Variants in ZNF90 observed in about 807,000 individuals in gnomAD.
The protein encoded by ZNF90 is zinc finger protein HTF9.
Under a neutral mutation model 12.0 loss-of-function variants are expected in ZNF90, and 11 were observed. The ratio of observed to expected loss-of-function variants is 0.92; its 90% CI spans 0.58 to 1.52. The LOEUF is 1.52. Ranked by LOEUF, ZNF90 falls within the 40% of genes most tolerant of loss-of-function variation. ZNF90 has a pLI of 0.00. For missense variants in ZNF90, 765 were observed against 711.5 expected (o/e 1.08, Z -0.86); for synonymous variants, 232 against 240.1 (o/e 0.97, Z 0.31).
chr19:20,118,921 A>G lies in ZNF90; in HGVS notation c.1367A>G (p.Glu456Gly), dbSNP rs183902346. The G allele has an allele frequency of 1.9e-4, 309 of 1,613,532 alleles. No homozygotes were observed. In the African/African-American group the frequency reaches 3.8e-3, roughly 20 times the overall value. The change falls in exon 4 of 4, where the codon GAA becomes GGA. Residue 456 changes from glutamate to glycine, a missense_variant. By Grantham distance (98) the Glu-to-Gly change is moderately conservative. Coordinates refer to ENST00000418063, the MANE Select transcript of ZNF90 (RefSeq NM_007138.2). ...AGTGGAGAGAAACCCTACAAATGTG[A>G]AGAATGTGGCAAAGCCTTCAAGCGC... ...IHSGEKPYKC[E>G]ECGKAFKRSS...
chr19:20,105,977 ATATT>A (rs1458302178), intron 3 of ZNF90, among the ~76,000 whole-genome samples: 1 of 150,154 alleles, frequency 6.7e-6, no homozygotes, highest in Non-Finnish European at 1.5e-5. Flanking sequence ...CACTTGAATA[ATATT>A]TATTCTTTCA....
chr19:20,092,370 G>T (rs2088909455), intron 1 of ZNF90, among the ~76,000 whole-genome samples: 1 of 152,192 alleles, frequency 6.6e-6, no homozygotes, highest in Non-Finnish European at 1.5e-5. Flanking sequence ...AGGTCAAGTT[G>T]TTTGGACAAA....
chr19:20,095,837 A>C (rs2088940625), intron 1 of ZNF90, among the ~76,000 whole-genome samples: 1 of 152,030 alleles, frequency 6.6e-6, no homozygotes, highest in South Asian at 2.1e-4. Context: ...CAAGGAGAGA[A>C]GGGGTTGAGG....
intron 1 of ZNF90, among the ~76,000 whole-genome samples, chr19:20,101,078 T>C (rs562675028): frequency 6.6e-6 from 1 of 152,068 alleles, no homozygotes; most frequent in Admixed American, 6.5e-5. Flanking sequence ...TCACTTGCCG[T>C]CGACCACTGC....
intron 1 of ZNF90, among the ~76,000 whole-genome samples, chr19:20,098,047 T>C (rs1336359086): frequency 6.6e-6 from 1 of 152,224 alleles, no homozygotes; most frequent in African/African-American, 2.4e-5. Flanking sequence ...TGCTCCCAGG[T>C]TATAATCCAT....
intron 1 of ZNF90, among the ~76,000 whole-genome samples, chr19:20,083,027 T>C (rs782137988): frequency 6.6e-6 from 1 of 152,212 alleles, no homozygotes; most frequent in Non-Finnish European, 1.5e-5. Context: ...TTTCTGACAC[T>C]GAGACATTTC....
At position 20,119,086 on chromosome 19, in the gene ZNF90, G is replaced by C; in HGVS notation, c.1532G>C (p.Cys511Ser). 4 of 1,612,642 alleles carry C rather than the reference G, an allele frequency of 2.5e-6. No individual in the cohort carries two copies. Among genetic ancestry groups the C allele is most frequent in the Non-Finnish European group, 3.4e-6 (4 of 1,179,342 alleles). ...CACAGTGGAGAGAATCCCTACAAAT[G>C]TGAAGAATGTGGCAAAGCCTTCAAG... ...IIHSGENPYK[C>S]EECGKAFKRS... The change falls in exon 4 of 4, where the codon TGT (cysteine) becomes TCT (serine). Residue 511 changes from cysteine (C) to serine (S), a missense_variant. Transcript: ENST00000418063.
Position 20,120,053 on chromosome 19 carries a change from A to G in ZNF90, c.*693A>G, listed in dbSNP as rs1555706407. ...TAATAGAAAATTTGACAAATCCTTT[A>G]TATGGTTGCAAGACTTGATTGTAGG... On this transcript the variant is annotated 3_prime_UTR_variant, in exon 4 of 4. Coordinates refer to ENST00000418063, the MANE Select transcript of ZNF90 (RefSeq NM_007138.2). Among the ~76,000 whole-genome samples, 1 of 152,228 alleles carries G rather than the reference A, an allele frequency of 6.6e-6. No individual in the cohort carries two copies. The highest frequency in any genetic ancestry group is 1.9e-4 in the East Asian group (1 of 5,206).
At chr19:20,112,550 G>A (rs1280654754) in intron 3 of ZNF90, among the ~76,000 whole-genome samples, 1 of 151,258 alleles carries the variant, frequency 6.6e-6, no homozygotes, top group East Asian at 2.0e-4. Context: ...TCAGACTCTT[G>A]ATCTCAGGCA....
chr19:20,096,921 T>A (rs1372775368), intron 1 of ZNF90, among the ~76,000 whole-genome samples: 1 of 152,186 alleles, frequency 6.6e-6, no homozygotes, highest in Non-Finnish European at 1.5e-5. Flanking sequence ...CAGCAGGCAC[T>A]TGGCTTCAAG....
In ZNF90 at chr19:20,118,219, T is replaced by G; in HGVS notation, c.665T>G (p.Ile222Ser). ...TCACACCTTACTTCACATAAGAGAA[T>G]TCATACTGGAGAGAAACGGTACAAA... Reference protein sequence around the residue: ...RSSHLTSHKRIHTGEKRYKCE... With the variant: ...RSSHLTSHKRSHTGEKRYKCE... Residue 222 changes from isoleucine (I) to serine (S), a missense_variant, in exon 4 of 4, where the codon ATT (isoleucine) becomes AGT (serine). By Grantham distance (142) the Ile-to-Ser change is moderately radical (BLOSUM62 -2). Transcript: ENST00000418063. The G allele has an allele frequency of 6.2e-7, 1 of 1,606,374 alleles. No homozygotes were observed. The highest frequency in any genetic ancestry group is 2.2e-5 in the East Asian group (1 of 44,516).
At chr19:20,106,044 C>CATTTTTTTTTTTTT (rs1555704366) in intron 3 of ZNF90, among the ~76,000 whole-genome samples, 5 of 71,060 alleles carry the variant, frequency 7.0e-5, no homozygotes, top group African/African-American at 2.7e-4. Context: ...CTAATTTTTT[C>CATTTTTTTTTTTTT]TTTTTTTTTT....
intron 1 of ZNF90, among the ~76,000 whole-genome samples, chr19:20,101,832 G>T (rs564868828): frequency 6.6e-6 from 1 of 152,214 alleles, no homozygotes; most frequent in East Asian, 1.9e-4. Context: ...TTTGCCTCCT[G>T]GACTGCCATG....
At chr19:20,111,293 C>T (rs1329798699) in intron 3 of ZNF90, among the ~76,000 whole-genome samples, 1 of 152,102 alleles carries the variant, frequency 6.6e-6, no homozygotes, top group Non-Finnish European at 1.5e-5. Context: ...TTGCAAGGCT[C>T]AGTGCTACCC....
At chr19:20,089,794 T>A (rs1215062444) in intron 1 of ZNF90, among the ~76,000 whole-genome samples, 4 of 151,998 alleles carry the variant, frequency 2.6e-5, no homozygotes, top group Non-Finnish European at 5.9e-5. Context: ...CGGGGGGTGT[T>A]GCCCAGTCTG....
intron 1 of ZNF90, among the ~76,000 whole-genome samples, chr19:20,081,299 C>A (rs1568281199): frequency 6.6e-6 from 1 of 152,128 alleles, no homozygotes. Flanking sequence ...AACGATTCTT[C>A]TGCCTCAGCC....
intron 1 of ZNF90, among the ~76,000 whole-genome samples, chr19:20,088,886 A>C (rs1319583196): frequency 6.6e-6 from 1 of 152,204 alleles, no homozygotes; most frequent in African/African-American, 2.4e-5. Flanking sequence ...AATTAGTGGA[A>C]GAACTCTTTT....
At chr19:20,110,678 C>T (rs1234519060) in intron 3 of ZNF90, among the ~76,000 whole-genome samples, 1 of 152,130 alleles carries the variant, frequency 6.6e-6, no homozygotes, top group East Asian at 1.9e-4. Context: ...ATTTTTATTG[C>T]ATCATCAAGA....
intron 1 of ZNF90, among the ~76,000 whole-genome samples, chr19:20,082,213 A>G (rs1162622071): frequency 2.0e-5 from 3 of 151,830 alleles, no homozygotes; most frequent in Non-Finnish European, 2.9e-5. Context: ...TCTGATCCTC[A>G]TGGTCCTCCC....
Sources: allele counts gnomAD v4.1 joint callset (sites outside exome capture counted in the v4.1 genomes callset), GRCh38; gene constraint gnomAD v4.1.1; transcripts MANE v1.5; gene names NCBI Gene and HGNC (gene_info 2026-07-23, HGNC 2026-07-21).